HOOK1: variants seen among roughly 807,000 people sequenced by gnomAD.
HOOK1 encodes hook microtubule tethering protein 1, also known as protein Hook homolog 1.
Under a neutral mutation model 112.8 loss-of-function variants are expected in HOOK1, and 60 were observed. The ratio of observed to expected loss-of-function variants is 0.53; its 90% CI spans 0.43 to 0.66. The LOEUF (loss-of-function observed/expected upper bound fraction) is 0.66, where lower values mean the gene tolerates loss of function less well. Among genes scored for constraint, HOOK1 ranks in the 30% least tolerant of loss-of-function variants. The pLI, the probability that HOOK1 is intolerant of heterozygous loss-of-function variation, is 0.00. For synonymous variants in HOOK1, 294 were observed against 283.8 expected, an observed-to-expected ratio of 1.04 and a Z score of -0.36; for missense variants, 770 against 856.0, an observed-to-expected ratio of 0.90 and a Z score of 1.25.
At position 59,821,916 on chromosome 1, in the gene HOOK1, T is replaced by G. The variant is rs140192316; in HGVS notation, c.122T>G (p.Val41Gly). 6.2e-7 allele frequency: 1 copy of G among 1,611,754 alleles called. No homozygotes were observed. Among genetic ancestry groups the G allele is most frequent in the Non-Finnish European group, 8.5e-7 (1 of 1,179,066 alleles). ...CQDVKQLTSG[V>G]AMAQVLHQID... ...GATGTCAAACAGCTGACTAGTGGAG[T>G]TGCCATGGCACAAGTTCTTCATCAA... is the stretch of plus-strand genomic sequence containing the variant. Residue 41 changes from valine to glycine, a missense_variant, in exon 2 of 22, where the codon GTT becomes GGT. Physicochemically the swap from Val to Gly is moderately radical, Grantham distance 109. Coordinates refer to ENST00000371208, the MANE Select transcript of HOOK1 (RefSeq NM_015888.6).
rs759543648 is a variant in HOOK1, at chr1:59,865,242, A to T, written c.1741A>T (p.Asn581Tyr). ...IEDLQPDINQNVQKINELEAA... is the reference protein window; with the variant it reads ...IEDLQPDINQYVQKINELEAA... ...AGATCTTCAGCCAGATATAAATCAA[A>T]ATGGTAGGTATCTGTGAAAACTTGG... Residue 581 changes from asparagine (N) to tyrosine (Y), a missense_variant, in exon 18 of 22, where the codon AAT (asparagine) becomes TAT (tyrosine). Physicochemically the swap from Asn to Tyr is moderately radical, Grantham distance 143 (BLOSUM62 -2). Around this residue, in one of 3 missense-constraint regions of HOOK1, gnomAD observed 655 missense variants for 725.9 expected, o/e 0.90. Transcript: ENST00000371208. 5 of 1,578,278 alleles carry T rather than the reference A, an allele frequency of 3.2e-6. No homozygotes were observed. The African/African-American group carries it at 6.7e-5, about 21-fold the overall frequency.
rs183329283 is a variant in HOOK1 at position 59,870,804 on chromosome 1, A to G, written c.1948-238A>G. The G allele has an allele frequency of 3.1e-4, 121 of 385,370 alleles. 1 individual carries two copies. In the East Asian group the frequency reaches 4.6e-3, roughly 15 times the overall value. The allele number at this position is 385,370 out of a possible 1,614,324, so 23.9% of individuals were successfully genotyped here. Reference sequence around the variant, plus strand: ...AGTTGTGTATATGTATGTTTAAATCATTCTCTTCTACCTGTAAATTTCTTG... The same window carrying G: ...AGTTGTGTATATGTATGTTTAAATCGTTCTCTTCTACCTGTAAATTTCTTG... On this transcript the variant is annotated intron_variant, in intron 20 of 21. Coordinates refer to ENST00000371208, the MANE Select transcript of HOOK1 (RefSeq NM_015888.6).
chr1:59,846,559 CT>C (rs1410426724), intron 9 of HOOK1, among the ~76,000 whole-genome samples: 9 of 61,600 alleles, frequency 1.5e-4, no homozygotes, highest in African/African-American at 2.1e-4. Context: ...TCCTTCCTTC[CT>C]TCCTTCCTTC....
chr1:59,824,138 G>A (rs917622522), intron 2 of HOOK1, among the ~76,000 whole-genome samples: 1 of 152,000 alleles, frequency 6.6e-6, no homozygotes, highest in Non-Finnish European at 1.5e-5. Context: ...GGACCAGTAT[G>A]TCCTATTCCG....
chr1:59,820,512 C>T (rs1362626160), intron 1 of HOOK1, among the ~76,000 whole-genome samples: 1 of 152,194 alleles, frequency 6.6e-6, no homozygotes, highest in Non-Finnish European at 1.5e-5. Flanking sequence ...AATATCTCTT[C>T]TCATGTATCT....
intron 12 of HOOK1, among the ~76,000 whole-genome samples, chr1:59,854,429 T>C (rs968942703): frequency 6.6e-6 from 1 of 152,094 alleles, no homozygotes; most frequent in African/African-American, 2.4e-5. Context: ...GTAGTGTCCT[T>C]TTATTTCAAC....
At chr1:59,831,966 G>C (rs573826916) in intron 3 of HOOK1, among the ~76,000 whole-genome samples, 197 bp from the exon 4 acceptor site, 1 of 152,222 alleles carries the variant, frequency 6.6e-6, no homozygotes, top group Non-Finnish European at 1.5e-5. Flanking sequence ...ACTTTAAATA[G>C]AATCACCCTA....
Position 59,815,091 on chromosome 1 carries a change from G to T in HOOK1, c.-27G>T. ...GGTAGGAGGGAGTGTGAAGGTGTCC[G>T]CGGCGTCGTCGACGGCGGCGCCGGC... On this transcript the variant is annotated 5_prime_UTR_variant, in exon 1 of 22. Coordinates refer to ENST00000371208, the MANE Select transcript of HOOK1 (RefSeq NM_015888.6). The T allele has an allele frequency of 6.5e-7, 1 of 1,537,264 alleles. No homozygotes were observed.
intron 1 of HOOK1, among the ~76,000 whole-genome samples, chr1:59,820,005 A>G (rs558372994): frequency 2.0e-5 from 3 of 152,142 alleles, no homozygotes; most frequent in Non-Finnish European, 4.4e-5. Flanking sequence ...GGTCTGCCTG[A>G]CTCAGGCATA....
At chr1:59,844,195 T>C (rs2102036989) in intron 9 of HOOK1, among the ~76,000 whole-genome samples, 1 of 152,126 alleles carries the variant, frequency 6.6e-6, no homozygotes, top group Non-Finnish European at 1.5e-5. Flanking sequence ...CACCTTTTAC[T>C]CAGATTCAAC....
At chr1:59,824,210 A>ATT (rs35058060) in intron 2 of HOOK1, among the ~76,000 whole-genome samples, 54 of 143,816 alleles carry the variant, frequency 3.8e-4, no homozygotes, top group African/African-American at 9.9e-4. Context: ...ATATGTTACA[A>ATT]TTTTTTTTTT....
intron 1 of HOOK1, among the ~76,000 whole-genome samples, chr1:59,820,320 AG>A (rs984155774): frequency 6.6e-6 from 1 of 152,174 alleles, no homozygotes; most frequent in Non-Finnish European, 1.5e-5. Context: ...CCATCTTGTG[AG>A]GTAGAAACTA....
intron 12 of HOOK1, among the ~76,000 whole-genome samples, chr1:59,857,866 G>A (rs956369680): frequency 1.3e-5 from 2 of 152,030 alleles, no homozygotes; most frequent in African/African-American, 4.8e-5. Context: ...GTGTTTTTCC[G>A]CCAATGTGTA....
Position 59,855,950 on chromosome 1 carries a change from ATATATATATAAATTAT to A in HOOK1, c.1243-2467_1243-2452del, listed in dbSNP as rs1338871933. On this transcript the variant is annotated intron_variant, in intron 12 of 21. Transcript: ENST00000371208. Reference sequence around the variant, plus strand: ...CACCATACCCAGCTAATTTATATATATATATATATAAATTATTATATATATATATATATATTTTTTT... The same window carrying A: ...CACCATACCCAGCTAATTTATATATATATATATATATATATATATTTTTTT... Among the ~76,000 whole-genome samples, 171 of 97,486 alleles carry A rather than the reference ATATATATATAAATTAT, an allele frequency of 1.8e-3. 2 individuals carry two copies. Among genetic ancestry groups the A allele is most frequent in the African/African-American group, 5.7e-3 (120 of 21,042 alleles). The allele number at this position is 97,486 out of a possible 152,430, so 64.0% of individuals were successfully genotyped here.
At chr1:59,869,467 C>T (rs998631444) in intron 20 of HOOK1, among the ~76,000 whole-genome samples, 1 of 152,172 alleles carries the variant, frequency 6.6e-6, no homozygotes, top group Non-Finnish European at 1.5e-5. Flanking sequence ...GCTGGGATTA[C>T]AGACGTGAGC....
Position 59,848,299 on chromosome 1 carries a change from G to T in HOOK1, c.930-16G>T. On this transcript the variant is annotated splice_polypyrimidine_tract_variant and intron_variant, in intron 10 of 21. Coordinates refer to ENST00000371208, the MANE Select transcript of HOOK1 (RefSeq NM_015888.6). ...ACTAGTTTTTGTACAGTAATGCTTA[G>T]TCTTTATGATTATAGGGCTACCTCT... 6.3e-7 allele frequency: 1 copy of T among 1,588,324 alleles called. No homozygotes were observed.
chr1:59,833,429 G>A lies in HOOK1; in HGVS notation c.298G>A (p.Ala100Thr). 1.9e-6 allele frequency: 3 copies of A among 1,541,196 alleles called. No individual in the cohort carries two copies. Among genetic ancestry groups the A allele is most frequent in the Non-Finnish European group, 1.8e-6 (2 of 1,136,242 alleles). Reference protein sequence around the residue: ...HEFLGQQISEALIPDLNQITE... With the variant: ...HEFLGQQISETLIPDLNQITE... ...GTTTTTGGGGCAGCAGATTTCAGAA[G>A]CACTTATCCCTGATTTAAACCAAAT... Residue 100 changes from alanine (A) to threonine (T), a missense_variant, in exon 5 of 22, where the codon GCA becomes ACA. Coordinates refer to ENST00000371208, the MANE Select transcript of HOOK1 (RefSeq NM_015888.6).
intron 4 of HOOK1, among the ~76,000 whole-genome samples, chr1:59,832,430 C>T (rs551057027): frequency 1.5e-3 from 235 of 151,924 alleles, no homozygotes; most frequent in Middle Eastern, 6.9e-3. Context: ...TGATACTCTC[C>T]GAATTGATTT....
intron 8 of HOOK1, among the ~76,000 whole-genome samples, chr1:59,841,376 C>T (rs1439740799): frequency 6.6e-6 from 1 of 152,040 alleles, no homozygotes; most frequent in Non-Finnish European, 1.5e-5. Context: ...TCTAAAATGA[C>T]AGGGCTAGAT....
Sources: allele counts gnomAD v4.1 joint callset (sites outside exome capture counted in the v4.1 genomes callset), GRCh38; gene constraint gnomAD v4.1.1; regional missense constraint gnomAD v4.1.1; transcripts MANE v1.5; gene names NCBI Gene and HGNC (gene_info 2026-07-23, HGNC 2026-07-21).